Variants in TBC1D19 observed in about 807,000 individuals in gnomAD.
TBC1D19 encodes TBC1 domain family, member 19.
In TBC1D19, 60 loss-of-function variants were observed where a neutral mutation model predicts 89.0. The ratio of observed to expected loss-of-function variants is 0.67; its 90% confidence interval spans 0.55 to 0.84. The LOEUF is 0.84. Ranked by LOEUF, TBC1D19 falls within the 40% of genes least tolerant of loss-of-function variation. The pLI is 0.00. For missense variants in TBC1D19, 500 were observed against 610.8 expected (o/e 0.82, Z 1.91); for synonymous variants, 189 against 199.7 (o/e 0.95, Z 0.45).
At chr4:26,688,737 G>A (rs1714029599) in intron 13 of TBC1D19, among the ~76,000 whole-genome samples, 1 of 152,000 alleles carries the variant, frequency 6.6e-6, no homozygotes, top group Non-Finnish European at 1.5e-5. Context: ...TTTGGAGAAA[G>A]CATTTTGCAT....
the TBC1D19 span, among the ~76,000 whole-genome samples, chr4:26,830,205 C>A: frequency 1.3e-5 from 2 of 152,098 alleles, no homozygotes; most frequent in East Asian, 3.9e-4. Context: ...AATTACCCCC[C>A]CTTTTTGCCT....
At chr4:26,720,594 A>T (rs1716908978) in intron 15 of TBC1D19, among the ~76,000 whole-genome samples, 1 of 152,194 alleles carries the variant, frequency 6.6e-6, no homozygotes, top group Admixed American at 6.6e-5. Flanking sequence ...GATCAAATAT[A>T]TAATGACCTC....
the TBC1D19 span, among the ~76,000 whole-genome samples, chr4:26,822,393 A>G: frequency 2.0e-5 from 3 of 152,338 alleles, no homozygotes; most frequent in Admixed American, 6.5e-5. Context: ...ACCCAACACG[A>G]CTTTGAACCC....
intron 13 of TBC1D19, among the ~76,000 whole-genome samples, chr4:26,711,140 G>C (rs1459861245): frequency 1.3e-5 from 2 of 152,088 alleles, no homozygotes; most frequent in Non-Finnish European, 2.9e-5. Flanking sequence ...TTTTCTTCTA[G>C]GGTTTTTACG....
At chr4:26,646,404 T>C (rs1481635094) in intron 7 of TBC1D19, among the ~76,000 whole-genome samples, 2 of 152,300 alleles carry the variant, frequency 1.3e-5, no homozygotes, top group East Asian at 1.9e-4. Flanking sequence ...GACAGTGTGG[T>C]GATTCCTCAA....
chr4:26,666,548 A>C, intron 9 of TBC1D19, 143 bp downstream of exon 9: 1 of 573,626 alleles, frequency 1.7e-6, no homozygotes, highest in Non-Finnish European at 3.0e-6. Flanking sequence ...ACTGTTATTT[A>C]TTGAATAGAA....
intron 19 of TBC1D19, among the ~76,000 whole-genome samples, chr4:26,753,468 AAAAAAC>A (rs1184461476): frequency 6.6e-6 from 1 of 152,202 alleles, no homozygotes; most frequent in Non-Finnish European, 1.5e-5. Flanking sequence ...CATCTCTACC[AAAAAAC>A]AAAAACAAAA....
At chr4:26,696,540 C>A (rs903381715) in intron 13 of TBC1D19, among the ~76,000 whole-genome samples, 2 of 152,178 alleles carry the variant, frequency 1.3e-5, no homozygotes, top group Admixed American at 6.5e-5. Flanking sequence ...TCCACCCCAA[C>A]TCAACAGAAT....
chr4:26,753,703 G>A lies in TBC1D19; in HGVS notation c.1436-117G>A, dbSNP rs763035969. 2.0e-4 allele frequency: 205 copies of A among 1,015,780 alleles called. No homozygotes were observed. In the Middle Eastern group the frequency reaches 2.4e-3, roughly 12 times the overall value. 62.9% of individuals were successfully genotyped at this position (1,015,780 alleles called of 1,614,324 possible). A position where few individuals can be genotyped will look rare whatever the true frequency, so the allele number is the denominator to read the frequency against. On this transcript the variant is annotated intron_variant, in intron 19 of 20. Transcript: ENST00000264866. ...AATTCAGAATGCGGGGGTGTGGTCCGTTGTGTAAAGCACTAGTTCTGAGTT... is the reference window on the plus strand; with the variant it reads ...AATTCAGAATGCGGGGGTGTGGTCCATTGTGTAAAGCACTAGTTCTGAGTT...
chr4:26,622,994 AT>A (rs1742157346), intron 4 of TBC1D19, among the ~76,000 whole-genome samples: 1 of 152,106 alleles, frequency 6.6e-6, no homozygotes, highest in African/African-American at 2.4e-5. Context: ...AACCATGGCC[AT>A]ACTGATTACC....
intron 19 of TBC1D19, among the ~76,000 whole-genome samples, chr4:26,749,795 A>G (rs1718852513): frequency 6.6e-6 from 1 of 152,130 alleles, no homozygotes; most frequent in African/African-American, 2.4e-5. Flanking sequence ...GTTACTGGGT[A>G]GCATATGTCC....
At chr4:26,725,519 C>T (rs1359165892) in intron 15 of TBC1D19, among the ~76,000 whole-genome samples, 1 of 152,086 alleles carries the variant, frequency 6.6e-6, no homozygotes, top group Non-Finnish European at 1.5e-5. Context: ...TTAAGTGATC[C>T]TCCCACCTCA....
At chr4:26,808,451 G>C in the TBC1D19 span, among the ~76,000 whole-genome samples, 1 of 147,610 alleles carries the variant, frequency 6.8e-6, no homozygotes, top group South Asian at 2.2e-4. Context: ...ATTTGAAGCT[G>C]GCTGGGCGCG....
At chr4:26,639,152 G>A (rs1005593483) in intron 6 of TBC1D19, among the ~76,000 whole-genome samples, 1 of 152,034 alleles carries the variant, frequency 6.6e-6, no homozygotes, top group African/African-American at 2.4e-5. Flanking sequence ...GGGCTCAGAG[G>A]GTCCTTTCAC....
the TBC1D19 span, among the ~76,000 whole-genome samples, chr4:26,831,092 AAGAG>A: frequency 6.6e-6 from 1 of 150,634 alleles, no homozygotes; most frequent in Non-Finnish European, 1.5e-5. Context: ...ATATATCACA[AAGAG>A]GGCCAACTGG....
chr4:26,830,356 T>G, the TBC1D19 span, among the ~76,000 whole-genome samples: 1 of 152,168 alleles, frequency 6.6e-6, no homozygotes, highest in South Asian at 2.1e-4. Context: ...TTTAGTTCCT[T>G]TAAGTGTAGG....
intron 18 of TBC1D19, among the ~76,000 whole-genome samples, chr4:26,746,831 G>T (rs182115536): frequency 1.1e-4 from 17 of 152,064 alleles, no homozygotes; most frequent in Admixed American, 2.0e-4. Flanking sequence ...TACTCTTTGG[G>T]GCCATTATTA....
chr4:26,773,915 C>G, the TBC1D19 span, among the ~76,000 whole-genome samples: 13 of 152,248 alleles, frequency 8.5e-5, no homozygotes, highest in African/African-American at 3.1e-4. Flanking sequence ...CTGGAGGCCT[C>G]TTTATTAGAA....
intron 13 of TBC1D19, among the ~76,000 whole-genome samples, chr4:26,713,355 A>T (rs1240793088): frequency 2.6e-5 from 4 of 152,040 alleles, no homozygotes; most frequent in African/African-American, 9.7e-5. Flanking sequence ...TACACTAGAA[A>T]TCAAGTATTA....
Sources: gnomAD v4.1 joint callset for allele counts (sites outside exome capture counted in the v4.1 genomes callset) on GRCh38, gnomAD v4.1.1 for gene constraint, MANE v1.5 for transcripts, NCBI Gene and HGNC (gene_info 2026-07-23, HGNC 2026-07-21) for gene names.